Variants in MLXIPL observed in about 807,000 individuals in gnomAD.
MLXIPL encodes carbohydrate-responsive element-binding protein.
A neutral mutation model predicts 81.5 loss-of-function variants in MLXIPL; 49 were observed. That is an observed-to-expected ratio of 0.60 (90% CI 0.48 to 0.76). MLXIPL has a LOEUF of 0.76. MLXIPL is among the 30% of genes least tolerant of loss of function. MLXIPL has a pLI of 0.00. For missense variants in MLXIPL, 1,053 were observed against 1,167.0 expected (o/e 0.90, Z 1.42); for synonymous variants, 466 against 485.5 (o/e 0.96, Z 0.53).
intron 1 of MLXIPL, among the ~76,000 whole-genome samples, chr7:73,619,744 C>T (rs571487275): frequency 1.4e-4 from 21 of 151,666 alleles, no homozygotes; most frequent in African/African-American, 4.8e-4. Context: ...TCCTGGCTAA[C>T]GCAGTGAAAC....
chr7:73,594,219 T>TC, intron 16 of MLXIPL, 55 bp downstream of exon 16: 1 of 1,604,724 alleles, frequency 6.2e-7, no homozygotes, highest in Non-Finnish European at 8.5e-7. Flanking sequence ...GGTGGAATGC[T>TC]CCCTCCACCC....
chr7:73,606,839 G>A, intron 5 of MLXIPL, 135 bp downstream of exon 5: 1 of 962,646 alleles, frequency 1.0e-6, no homozygotes, highest in Non-Finnish European at 1.6e-6. Flanking sequence ...ACCACAGGAT[G>A]GCAGTAACAT....
Position 73,623,283 on chromosome 7 carries a change from GAAAAGATCA to G in MLXIPL, c.293+908_293+916del, listed in dbSNP as rs560786267. ...GGAGGAAGAGGAATATTTGCACAGA[GAAAAGATCA>G]AGGCCGGCCGATCCCCCTTTCTCCC... is the stretch of plus-strand genomic sequence containing the variant. On this transcript the variant is annotated intron_variant, in intron 1 of 16. Coordinates refer to ENST00000313375, the MANE Select transcript of MLXIPL (RefSeq NM_032951.3). This position sits in a 1 kb window ranked among gnomAD's most constrained non-coding sequence, Gnocchi z 5.7. 2.6e-5 allele frequency among the ~76,000 whole-genome samples: 4 copies of G among 152,358 alleles called. No individual in the cohort carries two copies. The East Asian group carries it at 7.7e-4, about 29-fold the overall frequency.
At chr7:73,613,648 CA>C (rs1457449400) in intron 2 of MLXIPL, among the ~76,000 whole-genome samples, 2 of 152,118 alleles carry the variant, frequency 1.3e-5, no homozygotes, top group African/African-American at 4.8e-5. Context: ...CCCATTTTCA[CA>C]AATAGCAAGC....
At chr7:73,604,787 CAG>C (rs1173319414) in intron 7 of MLXIPL, among the ~76,000 whole-genome samples, 1 of 151,898 alleles carries the variant, frequency 6.6e-6, no homozygotes, top group Non-Finnish European at 1.5e-5. Flanking sequence ...TTTTTTGAGA[CAG>C]AGTCTTGCTC....
Position 73,605,822 on chromosome 7 carries a change from C to A in MLXIPL, c.821-54G>T, listed in dbSNP as rs1795228965. 20 of 1,591,672 alleles carry A rather than the reference C, an allele frequency of 1.3e-5. No individual in the cohort carries two copies. In the South Asian group the frequency reaches 1.9e-4, roughly 15 times the overall value. ...CAGCAGGCAGGGAGGAGCAGGGTCCCCACCCCCATCCCCAGCCATCCCTCC... is the reference window on the plus strand; with the variant it reads ...CAGCAGGCAGGGAGGAGCAGGGTCCACACCCCCATCCCCAGCCATCCCTCC... On this transcript the variant is annotated intron_variant, in intron 6 of 16. Transcript: ENST00000313375.
chr7:73,615,773 A>T (rs2074768), intron 2 of MLXIPL, among the ~76,000 whole-genome samples: 43 of 151,762 alleles, frequency 2.8e-4, no homozygotes, highest in African/African-American at 1.0e-3. Flanking sequence ...ATTAGCTGGG[A>T]GTGGTGGTGG....
rs139637712 is a variant in MLXIPL at position 73,593,807 on chromosome 7, C to A, written c.*58G>T. The A allele has an allele frequency of 1.4e-6, 2 of 1,411,152 alleles. No individual in the cohort carries two copies. Among genetic ancestry groups the A allele is most frequent in the Non-Finnish European group, 2.0e-6 (2 of 996,260 alleles). The allele number at this position is 1,411,152 out of a possible 1,614,324, so 87.4% of individuals were successfully genotyped here. ...GTGCCCAGAGATGATCCCTGGAGCC[C>A]GTGCCCAGGGAAAGCAGCCCCCAGG... On this transcript the variant is annotated 3_prime_UTR_variant, in exon 17 of 17. Coordinates refer to ENST00000313375, the MANE Select transcript of MLXIPL (RefSeq NM_032951.3).
At chr7:73,629,603 T>C in the MLXIPL span, among the ~76,000 whole-genome samples, 5 of 152,150 alleles carry the variant, frequency 3.3e-5, no homozygotes, top group Admixed American at 6.6e-5. Context: ...TGTGGTCTTG[T>C]AGTTCCAGCT....
At chr7:73,599,227 C>T (rs968025315) in intron 8 of MLXIPL, among the ~76,000 whole-genome samples, 1 of 151,732 alleles carries the variant, frequency 6.6e-6, no homozygotes, top group Non-Finnish European at 1.5e-5. Context: ...CTGTCCAAAG[C>T]TGACCTATTC....
chr7:73,607,484 C>A, intron 3 of MLXIPL, 64 bp from the exon 4 acceptor site: 3 of 1,530,184 alleles, frequency 2.0e-6, no homozygotes, highest in Non-Finnish European at 8.9e-7. Context: ...CATCTCCCAC[C>A]CTTCACCCCA....
In MLXIPL at chr7:73,597,352, C is replaced by T. The variant is rs782805105; in HGVS notation, c.1433G>A (p.Gly478Glu). The T allele has an allele frequency of 1.7e-5, 26 of 1,512,942 alleles. No homozygotes were observed. The highest frequency in any genetic ancestry group is 2.0e-5 in the Non-Finnish European group (23 of 1,128,436). 93.7% of individuals were successfully genotyped at this position (1,512,942 alleles called of 1,614,324 possible). A position where few individuals can be genotyped will look rare whatever the true frequency, so the allele number is the denominator to read the frequency against. ...AGGCCCAAAGGCAGGCTCCGAATAC[C>T]CCAAGGGTAGAAGCTCTATGGGGAA... ...TPFPIELLPL[G>E]YSEPAFGPCF... is the part of the protein sequence containing the mutation. Residue 478 changes from glycine (G) to glutamate (E), a missense_variant, in exon 9 of 17, where the codon GGG becomes GAG. Gly to Glu is a moderately conservative substitution (Grantham distance 98). Around this residue, in one of 3 missense-constraint regions of MLXIPL, gnomAD observed 823 missense variants for 933.0 expected, o/e 0.88. Transcript: ENST00000313375.
At chr7:73,627,247 C>T (rs931920389), upstream of MLXIPL, among the ~76,000 whole-genome samples, 1 of 148,424 alleles carries the variant, frequency 6.7e-6, no homozygotes, top group Admixed American at 6.7e-5. Flanking sequence ...CCCAAGTGGC[C>T]CTCTTTTTTT....
At chr7:73,638,077 T>C in the MLXIPL span, among the ~76,000 whole-genome samples, 1 of 152,060 alleles carries the variant, frequency 6.6e-6, no homozygotes, top group Non-Finnish European at 1.5e-5. Flanking sequence ...TCTTGTCCCA[T>C]CCATCTGTAC....
At chr7:73,618,926 G>A (rs1333536973) in intron 1 of MLXIPL, among the ~76,000 whole-genome samples, 9 of 152,206 alleles carry the variant, frequency 5.9e-5, no homozygotes, top group Admixed American at 4.6e-4. Context: ...CAGGGTTAGA[G>A]CAGATGTGAC....
intron 1 of MLXIPL, among the ~76,000 whole-genome samples, chr7:73,622,040 C>T (rs1375829088): frequency 1.9e-5 from 2 of 106,010 alleles, no homozygotes; most frequent in African/African-American, 7.3e-5. Flanking sequence ...TCCCTCCCTT[C>T]CTTCCAACAA....
Position 73,596,522 on chromosome 7 carries a change from G to C in MLXIPL, c.1823-43C>G. On this transcript the variant is annotated intron_variant, in intron 11 of 16. Coordinates refer to ENST00000313375, the MANE Select transcript of MLXIPL (RefSeq NM_032951.3). The surrounding 1 kb of genome is among the most constrained non-coding windows in gnomAD (Gnocchi z 4.7). ...AGACCCACAGAAAGACCGACCCAGG[G>C]GAAAGGGTCCCCATTGCCCCCTTCC... 1 of 1,610,490 alleles carries C rather than the reference G, an allele frequency of 6.2e-7. No homozygotes were observed. The highest frequency in any genetic ancestry group is 1.1e-5 in the South Asian group (1 of 90,908).
rs1795335418 is a variant in MLXIPL at position 73,607,026 on chromosome 7, GAC to G, written c.574-10_574-9del. ...CCTGCTGGGCTTACGGAGCTGCAGG[GAC>G]ACACAGAGTTGGACACCGGATCCCT... On this transcript the variant is annotated splice_polypyrimidine_tract_variant and intron_variant, in intron 4 of 16. Coordinates refer to ENST00000313375, the MANE Select transcript of MLXIPL (RefSeq NM_032951.3). 1 of 1,613,314 alleles carries G rather than the reference GAC, an allele frequency of 6.2e-7. No homozygotes were observed. Among genetic ancestry groups the G allele is most frequent in the Non-Finnish European group, 8.5e-7 (1 of 1,179,740 alleles).
At position 73,607,264 on chromosome 7, in the gene MLXIPL, G is replaced by A. The variant is rs1554598490; in HGVS notation, c.573+67C>T. On this transcript the variant is annotated intron_variant, in intron 4 of 16. Transcript: ENST00000313375. ...AGGATCCCCTTTCCAGGGATCTTCC[G>A]AGGCGGGCGGTAGCCGGCAGCCGCA... 3 of 1,477,232 alleles carry A rather than the reference G, an allele frequency of 2.0e-6. No homozygotes were observed. The South Asian group carries it at 3.6e-5, about 18-fold the overall frequency. 91.5% of individuals were successfully genotyped at this position (1,477,232 alleles called of 1,614,324 possible).
Sources: gnomAD v4.1 joint callset for allele counts (sites outside exome capture counted in the v4.1 genomes callset) on GRCh38, gnomAD v4.1.1 for gene constraint, gnomAD v4.1.1 regional missense constraint, Gnocchi (gnomAD v3.1) non-coding constraint, MANE v1.5 for transcripts, NCBI Gene and HGNC (gene_info 2026-07-23, HGNC 2026-07-21) for gene names.